Variants in MYRIP observed in about 807,000 individuals in gnomAD.
The protein encoded by MYRIP is myosin VIIA and Rab interacting protein.
Under a neutral mutation model 98.0 loss-of-function variants are expected in MYRIP, and 49 were observed. The observed-to-expected ratio is 0.50, with a 90% confidence interval of 0.40 to 0.63. The LOEUF (loss-of-function observed/expected upper bound fraction) is 0.63. Among genes scored for constraint, MYRIP ranks in the 30% least tolerant of loss-of-function variants. The probability of loss-of-function intolerance (pLI) is 0.00; values close to 1 mark genes in which losing one functional copy is unlikely to be tolerated. For synonymous variants in MYRIP, 404 were observed against 409.5 expected, an observed-to-expected ratio of 0.99 and a Z score of 0.16; for missense variants, 1,004 against 1,058.2, an observed-to-expected ratio of 0.95 and a Z score of 0.71.
intron 2 of MYRIP, among the ~76,000 whole-genome samples, chr3:39,944,927 A>G (rs1392077745): frequency 6.6e-6 from 1 of 152,094 alleles, no homozygotes; most frequent in Non-Finnish European, 1.5e-5. Context: ...ATATACATAG[A>G]CTTCATTAAA....
chr3:39,957,815 A>G (rs977164436), intron 2 of MYRIP, among the ~76,000 whole-genome samples: 1 of 152,244 alleles, frequency 6.6e-6, no homozygotes, highest in African/African-American at 2.4e-5. Flanking sequence ...TAAGCTGATA[A>G]GCAACTTCAG....
intron 2 of MYRIP, among the ~76,000 whole-genome samples, chr3:39,953,691 G>T (rs1318754662): frequency 2.0e-5 from 3 of 152,094 alleles, no homozygotes; most frequent in Non-Finnish European, 4.4e-5. Context: ...TTGGACAGTG[G>T]GTGCAGCCCA....
intron 3 of MYRIP, among the ~76,000 whole-genome samples, chr3:40,113,060 T>C (rs894347113): frequency 6.6e-6 from 1 of 152,164 alleles, no homozygotes; most frequent in South Asian, 2.1e-4. Flanking sequence ...CAGGGGTGCA[T>C]AGAAGCAATG....
intron 1 of MYRIP, among the ~76,000 whole-genome samples, chr3:39,832,820 A>G (rs1284075763): frequency 3.3e-5 from 5 of 152,208 alleles, no homozygotes; most frequent in Admixed American, 6.5e-5. Context: ...GTGCCTGAAT[A>G]TATATCTTTA....
intron 10 of MYRIP, among the ~76,000 whole-genome samples, chr3:40,206,156 T>C (rs1951788355): frequency 6.6e-6 from 1 of 152,124 alleles, no homozygotes; most frequent in Non-Finnish European, 1.5e-5. Context: ...AACTTAGCAT[T>C]TATTGTCTCA....
chr3:40,247,368 G>A (rs1321002072), intron 13 of MYRIP, among the ~76,000 whole-genome samples: 1 of 151,944 alleles, frequency 6.6e-6, no homozygotes, highest in Non-Finnish European at 1.5e-5. Flanking sequence ...GTCCTTAATG[G>A]TTTACCACAT....
intron 11 of MYRIP, among the ~76,000 whole-genome samples, chr3:40,230,876 G>T (rs1952634363): frequency 6.6e-6 from 1 of 151,452 alleles, no homozygotes; most frequent in African/African-American, 2.4e-5. Flanking sequence ...GCCCAGGCTG[G>T]AGTGCAATGG....
At chr3:40,026,758 C>A (rs967617306) in intron 2 of MYRIP, among the ~76,000 whole-genome samples, 2 of 152,146 alleles carry the variant, frequency 1.3e-5, no homozygotes, top group African/African-American at 4.8e-5. Context: ...TTACTGCTGA[C>A]CCCCATGCAG....
chr3:40,024,497 G>T (rs182979834), intron 2 of MYRIP, among the ~76,000 whole-genome samples: 1 of 151,906 alleles, frequency 6.6e-6, no homozygotes, highest in African/African-American at 2.4e-5. Flanking sequence ...TCTACTTCAC[G>T]TGTTTCCACT....
chr3:40,166,349 T>G (rs1950498179), intron 5 of MYRIP, among the ~76,000 whole-genome samples: 2 of 152,196 alleles, frequency 1.3e-5, no homozygotes, highest in Admixed American at 1.3e-4. Flanking sequence ...AGCCATTCTG[T>G]GTGCTTAGAC....
At chr3:39,991,322 G>A (rs1946170001) in intron 2 of MYRIP, among the ~76,000 whole-genome samples, 1 of 152,064 alleles carries the variant, frequency 6.6e-6, no homozygotes, top group Non-Finnish European at 1.5e-5. Flanking sequence ...AATGTAGAGA[G>A]ATCTCTACTC....
At chr3:39,894,063 A>G in intron 1 of MYRIP, among the ~76,000 whole-genome samples, 1 of 152,340 alleles carries the variant, frequency 6.6e-6, no homozygotes, top group African/African-American at 2.4e-5. Flanking sequence ...AAATTTTATC[A>G]CTCAAAGATA....
intron 2 of MYRIP, among the ~76,000 whole-genome samples, chr3:40,017,092 C>T (rs1559562025): frequency 6.6e-6 from 1 of 152,202 alleles, no homozygotes; most frequent in Non-Finnish European, 1.5e-5. Flanking sequence ...TTTAAAGCCA[C>T]TTAACAAAAT....
chr3:40,167,804 C>G (rs552801032), intron 7 of MYRIP, among the ~76,000 whole-genome samples: 25 of 152,286 alleles, frequency 1.6e-4, no homozygotes, highest in Non-Finnish European at 3.4e-4. Context: ...AAGTGCTTTA[C>G]TTACCATTAC....
intron 3 of MYRIP, among the ~76,000 whole-genome samples, chr3:40,045,770 G>T (rs536728277): frequency 2.0e-5 from 3 of 152,092 alleles, no homozygotes; most frequent in Admixed American, 6.5e-5. Context: ...TGGGAGTTTC[G>T]TGGGGCTTGG....
chr3:40,118,859 T>A (rs1949338882), intron 3 of MYRIP, among the ~76,000 whole-genome samples: 1 of 152,020 alleles, frequency 6.6e-6, no homozygotes, highest in Non-Finnish European at 1.5e-5. Flanking sequence ...GATAGTTTGC[T>A]GAGAATGATG....
At chr3:39,924,396 G>C (rs1457876138) in intron 2 of MYRIP, among the ~76,000 whole-genome samples, 1 of 152,074 alleles carries the variant, frequency 6.6e-6, no homozygotes, top group Non-Finnish European at 1.5e-5. Flanking sequence ...GAGGGGCATT[G>C]CATAATGATA....
chr3:40,245,004 C>T (rs2125714052), intron 13 of MYRIP, among the ~76,000 whole-genome samples: 1 of 152,300 alleles, frequency 6.6e-6, no homozygotes, highest in South Asian at 2.1e-4. Flanking sequence ...CTGAAAGCTC[C>T]ATGAGAATAG....
intron 2 of MYRIP, among the ~76,000 whole-genome samples, chr3:39,965,970 T>C (rs1945430550): frequency 1.3e-5 from 2 of 152,252 alleles, no homozygotes; most frequent in South Asian, 4.1e-4. Context: ...ATACACATTG[T>C]GAAAGTGAAT....
Sources: allele counts gnomAD v4.1 joint callset (sites outside exome capture counted in the v4.1 genomes callset), GRCh38; gene constraint gnomAD v4.1.1; transcripts MANE v1.5; gene names NCBI Gene and HGNC (gene_info 2026-07-23, HGNC 2026-07-21).